FAM9B: variants seen among roughly 807,000 people sequenced by gnomAD.
The protein encoded by FAM9B is protein FAM9B.
FAM9B carries 18 observed loss-of-function variants against 16.6 expected under a neutral mutation model. The ratio of observed to expected loss-of-function variants is 1.09; its 90% confidence interval spans 0.75 to 1.61. The LOEUF is 1.61. Among genes scored for constraint, FAM9B ranks in the 40% most tolerant of loss-of-function variants. The pLI, the probability that FAM9B is intolerant of heterozygous loss-of-function variation, is 0.00. For missense variants in FAM9B, 155 were observed against 136.0 expected (o/e 1.14, Z -0.70); for synonymous variants, 43 against 42.6 (o/e 1.01, Z -0.03).
At position 9,024,543 on chromosome X, in the gene FAM9B, C is replaced by A. The variant is rs1920954650; in HGVS notation, c.*866G>T. On this transcript the variant is annotated 3_prime_UTR_variant, in exon 9 of 9. Transcript: ENST00000327220. ...ACAGCAGTATAATTTTTTTTAAGAA[C>A]ACAGACAGTAAGGTGCTTTTAATAA... The A allele has an allele frequency of 9.0e-6, 1 of 111,526 alleles. No individual in the cohort carries two copies. Among genetic ancestry groups the A allele is most frequent in the Non-Finnish European group, 1.9e-5 (1 of 53,156 alleles). The allele number at this position is 111,526 out of a possible 1,213,427, so 9.2% of individuals were successfully genotyped here. A position where few individuals can be genotyped will look rare whatever the true frequency, so the allele number is the denominator to read the frequency against.
At chrX:9,032,858 G>T (rs917127755) in intron 2 of FAM9B, 101 bp downstream of exon 2, 3 of 1,098,480 alleles carry the variant, frequency 2.7e-6, no homozygotes, top group Admixed American at 2.6e-5. Flanking sequence ...CCACGAAGGG[G>T]CCTGGGGCCT....
intron 1 of FAM9B, chrX:9,033,322 C>T (rs971760544): frequency 2.8e-5 from 30 of 1,053,294 alleles, no homozygotes; most frequent in Non-Finnish European, 3.3e-5. Flanking sequence ...GGATCCTCGC[C>T]GCCCTTTTGG....
Position 9,030,301 on chromosome X carries a change from T to C in FAM9B, c.241A>G (p.Asn81Asp). The change falls in exon 5 of 9, where the codon AAC (asparagine) becomes GAC (aspartate). Residue 81 changes from asparagine (N) to aspartate (D), a missense_variant. Coordinates refer to ENST00000327220, the MANE Select transcript of FAM9B (RefSeq NM_205849.3). Reference protein sequence around the residue: ...KMDKTCSKTKNKSKHALRKKQ... With the variant: ...KMDKTCSKTKDKSKHALRKKQ... Reference sequence around the variant, plus strand: ...TTTCTCAAAGCATGTTTACTTTTGTTCTTTGTTTTGCTGCAAGTTTTATCC... The same window carrying C: ...TTTCTCAAAGCATGTTTACTTTTGTCCTTTGTTTTGCTGCAAGTTTTATCC... 8.3e-7 allele frequency: 1 copy of C among 1,205,521 alleles called. No individual in the cohort carries two copies.
Position 9,027,947 on chromosome X carries a change from T to G in FAM9B, c.413A>C (p.Gln138Pro). The G allele has an allele frequency of 8.3e-7, 1 of 1,207,173 alleles. No homozygotes were observed. Among genetic ancestry groups the G allele is most frequent in the South Asian group, 1.8e-5 (1 of 56,593 alleles). The change falls in exon 7 of 9, where the codon CAG (glutamine) becomes CCG (proline). Residue 138 changes from glutamine to proline, a missense_variant. Physicochemically the swap from Gln to Pro is moderately conservative, Grantham distance 76. Transcript: ENST00000327220. ...EELIRIFQEQQKKWQQYRSVR... is the reference protein window; with the variant it reads ...EELIRIFQEQPKKWQQYRSVR... Reference sequence around the variant, plus strand: ...ACTTCTATATTGTTGCCACTTCTTCTGTTGTTCTTGAAATATTCTCTAGAA... The same window carrying G: ...ACTTCTATATTGTTGCCACTTCTTCGGTTGTTCTTGAAATATTCTCTAGAA...
chrX:9,031,779 T>G (rs994937404), intron 4 of FAM9B: 14 of 149,141 alleles, frequency 9.4e-5, no homozygotes, highest in Non-Finnish European at 2.6e-5. Context: ...AAGTAAAAGC[T>G]AAAAAAAACC....
At position 9,032,173 on chromosome X, in the gene FAM9B, G is replaced by A; in HGVS notation, c.150-12C>T. ...TCTTGGTATTAGCCCTGTAAAAAAA[G>A]TTACATCAAAATTTTAACAAAATAC... On this transcript the variant is annotated splice_polypyrimidine_tract_variant and intron_variant, in intron 3 of 8. Transcript: ENST00000327220. 8.3e-7 allele frequency: 1 copy of A among 1,203,248 alleles called. No homozygotes were observed. The highest frequency in any genetic ancestry group is 1.1e-6 in the Non-Finnish European group (1 of 891,895).
chrX:9,032,126 A>T lies in FAM9B; in HGVS notation c.181+4T>A, dbSNP rs1280575186. On this transcript the variant is annotated splice_donor_region_variant and intron_variant, in intron 4 of 8. Transcript: ENST00000327220. ...ATAAACTACAGATAACTCCTAAAAC[A>T]TACCTGCAGTATCTTCTGGCTTCTT... The T allele has an allele frequency of 8.3e-7, 1 of 1,205,117 alleles. No homozygotes were observed. The highest frequency in any genetic ancestry group is 1.1e-6 in the Non-Finnish European group (1 of 892,536).
intron 5 of FAM9B, chrX:9,030,005 T>C (rs1921021145): frequency 1.1e-5 from 5 of 440,811 alleles, no homozygotes; most frequent in Non-Finnish European, 1.9e-5. Context: ...TGGATAAACA[T>C]TAATTTTACA....
Position 9,029,365 on chromosome X carries a change from T to C in FAM9B, c.335A>G (p.Tyr112Cys), listed in dbSNP as rs1263892836. 59 of 1,208,728 alleles carry C rather than the reference T, an allele frequency of 4.9e-5. No homozygotes were observed. The highest frequency in any genetic ancestry group is 6.4e-5 in the Non-Finnish European group (57 of 894,311). Residue 112 changes from tyrosine (Y) to cysteine (C), a missense_variant, in exon 6 of 9, where the codon TAC (tyrosine) becomes TGC (cysteine). By Grantham distance (194) the Tyr-to-Cys change is radical. Transcript: ENST00000327220. Reference protein sequence around the residue: ...SLKLLNVLEEYITDEQKEEEE... With the variant: ...SLKLLNVLEECITDEQKEEEE... ...TTCCTCTTTCTGCTCGTCTGTGATG[T>C]ATTCTTCAAGGACATTTAGCAACTT...
intron 3 of FAM9B, 23 bp from the exon 4 acceptor site, chrX:9,032,184 A>G (rs1921095120): frequency 8.3e-7 from 1 of 1,199,699 alleles, no homozygotes; most frequent in Non-Finnish European, 1.1e-6. Flanking sequence ...TTACATCAAA[A>G]TTTTAACAAA....
At chrX:9,032,547 C>A in intron 2 of FAM9B, 86 bp from the exon 3 acceptor site, 1 of 693,469 alleles carries the variant, frequency 1.4e-6, no homozygotes, top group Non-Finnish European at 1.9e-6. Flanking sequence ...TAGTTGTAGA[C>A]TTTTTTGGGG....
Position 9,033,028 on chromosome X carries a change from C to T in FAM9B, c.-42G>A. On this transcript the variant is annotated 5_prime_UTR_variant, in exon 2 of 9. It adds an upstream start codon to the 5' untranslated region. Coordinates refer to ENST00000327220, the MANE Select transcript of FAM9B (RefSeq NM_205849.3). ...TGGGCCTTGGCAGCCCTCCTGCCCA[C>T]AGGATCCGTGGCTGGTTGTCCTGGG... The T allele has an allele frequency of 2.5e-6, 3 of 1,212,103 alleles. No individual in the cohort carries two copies. The highest frequency in any genetic ancestry group is 3.3e-6 in the Non-Finnish European group (3 of 895,560).
At chrX:9,028,113 C>T (rs1920985117) in intron 6 of FAM9B, 147 bp from the exon 7 acceptor site, 1 of 430,274 alleles carries the variant, frequency 2.3e-6, no homozygotes, top group Non-Finnish European at 4.0e-6. Context: ...CAATTTTAAA[C>T]AATTGTGTTC....
In FAM9B at chrX:9,024,650, C is replaced by T. The variant is rs1230673398; in HGVS notation, c.*759G>A. The T allele has an allele frequency of 9.0e-6, 1 of 111,726 alleles. No individual in the cohort carries two copies. Among genetic ancestry groups the T allele is most frequent in the Non-Finnish European group, 1.9e-5 (1 of 53,118 alleles). The allele number at this position is 111,726 out of a possible 1,213,427, so 9.2% of individuals were successfully genotyped here. On this transcript the variant is annotated 3_prime_UTR_variant, in exon 9 of 9. Coordinates refer to ENST00000327220, the MANE Select transcript of FAM9B (RefSeq NM_205849.3). ...GCCTCTTTATCCTAATGAGTAAATA[C>T]AAAAGAACGCACAGATAAGATAGCT...
At chrX:9,031,032 A>C (rs998826129) in intron 4 of FAM9B, 1 of 112,035 alleles carries the variant, frequency 8.9e-6, no homozygotes, top group African/African-American at 3.2e-5. Flanking sequence ...GCTTTCCTAA[A>C]CATGATTTCA....
At position 9,029,399 on chromosome X, in the gene FAM9B, G is replaced by A. The variant is rs141078293; in HGVS notation, c.301C>T (p.His101Tyr). Residue 101 changes from histidine to tyrosine, a missense_variant, in exon 6 of 9, where the codon CAT becomes TAT. His to Tyr is a moderately conservative substitution (Grantham distance 83). Coordinates refer to ENST00000327220, the MANE Select transcript of FAM9B (RefSeq NM_205849.3). ...QLKRQKRDYI[H>Y]SLKLLNVLEE... ...AGGACATTTAGCAACTTCAGAGAAT[G>A]TATATAATCACGTTTCTGCCTGTAA... 12,338 of 1,197,520 alleles carry A rather than the reference G, an allele frequency of 0.01. 67 individuals are homozygous for A. The highest frequency in any genetic ancestry group is 0.012 in the Non-Finnish European group (10,946 of 884,228).
intron 4 of FAM9B, 168 bp downstream of exon 4, chrX:9,031,962 A>G (rs1336864012): frequency 2.4e-6 from 1 of 421,597 alleles, no homozygotes; most frequent in Non-Finnish European, 4.0e-6. Context: ...AACAATCAAA[A>G]AGGTAAGAAA....
At chrX:9,031,220 C>T (rs1380918033) in intron 4 of FAM9B, 1 of 111,845 alleles carries the variant, frequency 8.9e-6, no homozygotes, top group Non-Finnish European at 1.9e-5. Context: ...TATGAATCAT[C>T]GCTAGAGAAG....
chrX:9,033,241 T>C, intron 1 of FAM9B, 166 bp from the exon 2 acceptor site: 1 of 1,096,023 alleles, frequency 9.1e-7, no homozygotes, highest in Non-Finnish European at 1.2e-6. Flanking sequence ...TCCTGGCCCG[T>C]CCAGCCCGTC....
Sources: allele counts gnomAD v4.1 joint callset, GRCh38; gene constraint gnomAD v4.1.1; transcripts MANE v1.5; gene names NCBI Gene and HGNC (gene_info 2026-07-23, HGNC 2026-07-21).